SPATS2: variants seen among roughly 807,000 people sequenced by gnomAD.
SPATS2 encodes spermatogenesis associated serine rich 2.
Under a neutral mutation model 63.7 loss-of-function variants are expected in SPATS2, and 38 were observed. That is an observed-to-expected ratio of 0.60 (90% CI 0.46 to 0.78). The LOEUF (loss-of-function observed/expected upper bound fraction) is 0.78. SPATS2 is among the 30% of genes least tolerant of loss of function. The pLI, the probability that SPATS2 is intolerant of heterozygous loss-of-function variation, is 0.00. For synonymous variants in SPATS2, 207 were observed against 232.9 expected (o/e 0.89, Z 1.01); for missense variants, 588 against 666.2 (o/e 0.88, Z 1.29).
rs1318776446 is a variant in SPATS2, at chr12:49,462,484, A to C, written c.25+1447A>C. ...TGGACGGCTTAAGTGTTAACAGCTCAGTGGGCCCTTTCCCCCCGTGTGTGG... is the reference window on the plus strand; with the variant it reads ...TGGACGGCTTAAGTGTTAACAGCTCCGTGGGCCCTTTCCCCCCGTGTGTGG... On this transcript the variant is annotated intron_variant, in intron 3 of 13. Transcript: ENST00000552918. 7.1e-6 allele frequency: 5 copies of C among 700,232 alleles called. No individual in the cohort carries two copies. In the Admixed American group the frequency reaches 8.0e-5, roughly 11 times the overall value. The allele number at this position is 700,232 out of a possible 1,614,324, so 43.4% of individuals were successfully genotyped here. A position where few individuals can be genotyped will look rare whatever the true frequency, so the allele number is the denominator to read the frequency against.
intron 9 of SPATS2, among the ~76,000 whole-genome samples, chr12:49,504,273 C>T (rs1204580822): frequency 1.3e-5 from 2 of 152,218 alleles, no homozygotes; most frequent in African/African-American, 4.8e-5. Flanking sequence ...AAAACTGACA[C>T]ACCTATAGAA....
intron 2 of SPATS2, among the ~76,000 whole-genome samples, chr12:49,395,670 C>A (rs552766838): frequency 2.7e-4 from 41 of 152,232 alleles, no homozygotes; most frequent in African/African-American, 9.6e-4. Context: ...AGGTGATCCA[C>A]CCGCCTCAGC....
chr12:49,450,846 TTTTTG>T (rs1285045242), intron 2 of SPATS2, among the ~76,000 whole-genome samples: 2 of 148,992 alleles, frequency 1.3e-5, no homozygotes, highest in African/African-American at 2.5e-5. Flanking sequence ...GTCAGCCTAT[TTTTTG>T]TTTTGTTTTG....
intron 9 of SPATS2, among the ~76,000 whole-genome samples, chr12:49,509,273 CTTTT>C: frequency 1.3e-5 from 1 of 77,804 alleles, no homozygotes. Context: ...GTTCTAACTT[CTTTT>C]TTTTTTTTTT....
At chr12:49,489,407 C>T (rs1946347781) in intron 4 of SPATS2, 58 bp from the exon 5 acceptor site, 2 of 1,380,886 alleles carry the variant, frequency 1.4e-6, no homozygotes, top group Non-Finnish European at 2.0e-6. Flanking sequence ...CTGTATAGGC[C>T]TCAGCTGCCT....
At chr12:49,409,323 T>C (rs1944753398) in intron 2 of SPATS2, among the ~76,000 whole-genome samples, 1 of 152,152 alleles carries the variant, frequency 6.6e-6, no homozygotes, top group Non-Finnish European at 1.5e-5. Flanking sequence ...TTTGTTTTTT[T>C]GAGACAGAGT....
intron 10 of SPATS2, among the ~76,000 whole-genome samples, chr12:49,515,375 G>A (rs1946821503): frequency 6.6e-6 from 1 of 152,180 alleles, no homozygotes. Flanking sequence ...TATTAGGAAA[G>A]TTGTTTATTT....
At chr12:49,475,804 CA>C (rs1946107394) in intron 3 of SPATS2, among the ~76,000 whole-genome samples, 1 of 152,114 alleles carries the variant, frequency 6.6e-6, no homozygotes, top group Non-Finnish European at 1.5e-5. Context: ...TTTAAAACTG[CA>C]TTTCATTTCG....
chr12:49,496,627 C>G (rs888669092), intron 7 of SPATS2, among the ~76,000 whole-genome samples: 1 of 152,194 alleles, frequency 6.6e-6, no homozygotes, highest in African/African-American at 2.4e-5. Context: ...TCATTCCGGA[C>G]GCCACTTAAG....
At chr12:49,478,089 C>T (rs1210619745) in intron 3 of SPATS2, among the ~76,000 whole-genome samples, 1 of 151,552 alleles carries the variant, frequency 6.6e-6, no homozygotes, top group African/African-American at 2.4e-5. Flanking sequence ...ATCCTCTTGC[C>T]TCAGCCTCCC....
chr12:49,510,468 G>A (rs1946733417), intron 9 of SPATS2, among the ~76,000 whole-genome samples: 2 of 151,450 alleles, frequency 1.3e-5, no homozygotes, highest in African/African-American at 2.4e-5. Flanking sequence ...GAGGGCTGAG[G>A]CGGGAGGATT....
intron 2 of SPATS2, among the ~76,000 whole-genome samples, chr12:49,437,937 C>A (rs1372631911): frequency 6.6e-6 from 1 of 151,976 alleles, no homozygotes; most frequent in Non-Finnish European, 1.5e-5. Flanking sequence ...GAAGTTTTTT[C>A]CCTAGATTTT....
intron 2 of SPATS2, among the ~76,000 whole-genome samples, chr12:49,377,369 C>T (rs1944126858): frequency 2.0e-5 from 3 of 152,170 alleles, no homozygotes. Flanking sequence ...TGTGTTCGGT[C>T]TCTAGCCTGA....
At chr12:49,469,524 C>A (rs942860229) in intron 3 of SPATS2, 9 of 403,710 alleles carry the variant, frequency 2.2e-5, no homozygotes, top group Non-Finnish European at 3.8e-5. Context: ...CCTGTCACTG[C>A]ACTATGGGCT....
intron 2 of SPATS2, among the ~76,000 whole-genome samples, chr12:49,449,269 G>T (rs1009226237): frequency 6.6e-6 from 1 of 152,200 alleles, no homozygotes; most frequent in Non-Finnish European, 1.5e-5. Flanking sequence ...AAGCTGGAGT[G>T]CAGTGGCACC....
chr12:49,523,105 AAG>A (rs1346166483), intron 12 of SPATS2, among the ~76,000 whole-genome samples: 1 of 152,144 alleles, frequency 6.6e-6, no homozygotes, highest in Non-Finnish European at 1.5e-5. Flanking sequence ...ATGTGGTATA[AAG>A]AGCATGGGGC....
intron 9 of SPATS2, among the ~76,000 whole-genome samples, chr12:49,510,262 TAAA>T (rs766265197): frequency 1.6e-5 from 2 of 127,080 alleles, no homozygotes; most frequent in African/African-American, 2.9e-5. Flanking sequence ...GACCCTGTCT[TAAA>T]AAAAAAAAAA....
At chr12:49,443,641 C>T (rs1020255094) in intron 2 of SPATS2, among the ~76,000 whole-genome samples, 1 of 151,702 alleles carries the variant, frequency 6.6e-6, no homozygotes, top group African/African-American at 2.4e-5. Context: ...GTCTGTGATC[C>T]ATTTTGAGTT....
At chr12:49,503,648 CAA>C (rs147728331) in intron 9 of SPATS2, among the ~76,000 whole-genome samples, 3 of 139,222 alleles carry the variant, frequency 2.2e-5, no homozygotes, top group Non-Finnish European at 3.1e-5. Context: ...GACTCCATCT[CAA>C]AAAAAAAAAA....
Sources: allele counts gnomAD v4.1 joint callset (sites outside exome capture counted in the v4.1 genomes callset), GRCh38; gene constraint gnomAD v4.1.1; transcripts MANE v1.5; gene names NCBI Gene and HGNC (gene_info 2026-07-23, HGNC 2026-07-21).